PTBP3: variants seen among roughly 807,000 people sequenced by gnomAD.
PTBP3 encodes polypyrimidine tract binding protein 3, also known as polypyrimidine tract-binding protein 3.
A neutral mutation model predicts 58.7 loss-of-function variants in PTBP3; 20 were observed. The observed-to-expected ratio is 0.34, with a 90% CI of 0.24 to 0.50. The LOEUF (loss-of-function observed/expected upper bound fraction) is 0.50. Among genes scored for constraint, PTBP3 ranks in the 20% least tolerant of loss-of-function variants. The probability of loss-of-function intolerance (pLI) is 0.98; values close to 1 mark genes in which losing one functional copy is unlikely to be tolerated. For synonymous variants in PTBP3, 185 were observed against 219.8 expected, an observed-to-expected ratio of 0.84 and a Z score of 1.40; for missense variants, 509 against 637.2, an observed-to-expected ratio of 0.80 and a Z score of 2.17.
At chr9:112,317,055 G>A (rs910764503) in intron 1 of PTBP3, among the ~76,000 whole-genome samples, 2 of 151,784 alleles carry the variant, frequency 1.3e-5, no homozygotes, top group Non-Finnish European at 2.9e-5. Context: ...CAAGGCAGGA[G>A]GATTACTTGA....
chr9:112,253,779 T>A (rs893689621), intron 5 of PTBP3, among the ~76,000 whole-genome samples: 1 of 152,120 alleles, frequency 6.6e-6, no homozygotes, highest in African/African-American at 2.4e-5. Flanking sequence ...CCTGCCACCA[T>A]GTGAAGAAGG....
At position 112,251,117 on chromosome 9, in the gene PTBP3, G is replaced by C; in HGVS notation, c.628-14C>G. ...GCCATCCAGAGCCTAAAGCATGTAA[G>C]AAAGGGACTGGTTTTGGCAAGACAA... is the stretch of plus-strand genomic sequence containing the variant. On this transcript the variant is annotated splice_polypyrimidine_tract_variant and intron_variant, in intron 6 of 13. Coordinates refer to ENST00000374257, the MANE Select transcript of PTBP3 (RefSeq NM_001163788.4). 6.5e-7 allele frequency: 1 copy of C among 1,533,952 alleles called. No individual in the cohort carries two copies. The highest frequency in any genetic ancestry group is 8.8e-7 in the Non-Finnish European group (1 of 1,139,542).
intron 1 of PTBP3, among the ~76,000 whole-genome samples, chr9:112,323,249 T>C (rs1830024062): frequency 6.6e-6 from 1 of 152,060 alleles, no homozygotes; most frequent in Non-Finnish European, 1.5e-5. Context: ...CAAAATCCTA[T>C]CTCAAAAAAC....
At chr9:112,300,950 C>CA (rs1007457781) in intron 1 of PTBP3, among the ~76,000 whole-genome samples, 11 of 149,550 alleles carry the variant, frequency 7.4e-5, no homozygotes, top group South Asian at 2.1e-4. Context: ...AAAATAAAAA[C>CA]AAAAAAAATG....
chr9:112,257,000 AT>A (rs538065037), intron 5 of PTBP3, among the ~76,000 whole-genome samples: 1 of 152,178 alleles, frequency 6.6e-6, no homozygotes. Flanking sequence ...CATTTGGAAA[AT>A]TTTTATACTA....
chr9:112,251,194 G>A, intron 6 of PTBP3, 91 bp from the exon 7 acceptor site: 3 of 1,096,310 alleles, frequency 2.7e-6, no homozygotes, highest in Middle Eastern at 6.2e-4. Context: ...GCAATCAGGT[G>A]TAAGGCAGAA....
upstream of PTBP3, among the ~76,000 whole-genome samples, chr9:112,336,961 A>G (rs1830582098): frequency 6.6e-6 from 1 of 152,260 alleles, no homozygotes. Flanking sequence ...AAAACAGTTT[A>G]CAACAAAAAA....
upstream of PTBP3, among the ~76,000 whole-genome samples, chr9:112,334,781 C>A (rs1031282965): frequency 5.3e-5 from 8 of 152,188 alleles, no homozygotes; most frequent in African/African-American, 1.7e-4. Flanking sequence ...GTGCCGGGCA[C>A]TGCATGAATA....
chr9:112,345,137 C>A, the PTBP3 span, among the ~76,000 whole-genome samples: 1 of 151,714 alleles, frequency 6.6e-6, no homozygotes, highest in Non-Finnish European at 1.5e-5. Context: ...AATACCACTG[C>A]CACAGAGCTA....
chr9:112,338,384 G>T (rs1214035829), upstream of PTBP3, among the ~76,000 whole-genome samples: 1 of 152,186 alleles, frequency 6.6e-6, no homozygotes, highest in Non-Finnish European at 1.5e-5. Context: ...GCTTTTAATA[G>T]TGTAATACAG....
At chr9:112,265,873 C>T (rs1836779317) in intron 4 of PTBP3, among the ~76,000 whole-genome samples, 1 of 152,062 alleles carries the variant, frequency 6.6e-6, no homozygotes, top group South Asian at 2.1e-4. Context: ...GAACCCTTAC[C>T]CTCATTCCTA....
chr9:112,372,992 T>G, the PTBP3 span, among the ~76,000 whole-genome samples: 1 of 151,528 alleles, frequency 6.6e-6, no homozygotes, highest in Non-Finnish European at 1.5e-5. Flanking sequence ...TCTCCCAGGT[T>G]CAAGCAATTC....
intron 2 of PTBP3, among the ~76,000 whole-genome samples, chr9:112,287,632 C>T (rs1442715323): frequency 5.3e-5 from 8 of 152,114 alleles, no homozygotes; most frequent in African/African-American, 1.7e-4. Flanking sequence ...TGAGCCACCA[C>T]GCCCAGCCTT....
At chr9:112,224,327 G>T in intron 12 of PTBP3, 117 bp from the exon 13 acceptor site, 1 of 591,004 alleles carries the variant, frequency 1.7e-6, no homozygotes, top group Non-Finnish European at 2.8e-6. Flanking sequence ...TAAGCCATAT[G>T]ACAAAGACTT....
chr9:112,365,870 G>A, the PTBP3 span, among the ~76,000 whole-genome samples: 2 of 152,200 alleles, frequency 1.3e-5, no homozygotes, highest in African/African-American at 2.4e-5. Context: ...TGGAGCAAAA[G>A]TGACTTGGGT....
the PTBP3 span, among the ~76,000 whole-genome samples, chr9:112,365,160 CTATCTATCTATG>C: frequency 1.1e-4 from 9 of 79,556 alleles, no homozygotes; most frequent in South Asian, 2.7e-3. Context: ...ATATGTCTAT[CTATCTATCTATG>C]TATCTATATA....
At position 112,275,852 on chromosome 9, in the gene PTBP3, T is replaced by C. The variant is rs1445236437; in HGVS notation, c.196A>G (p.Lys66Glu). The change falls in exon 3 of 14, where the codon AAA becomes GAA. Residue 66 changes from lysine to glutamate, a missense_variant. By Grantham distance (56) the Lys-to-Glu change is moderately conservative. Transcript: ENST00000374257. ...CTTTAAATATTACATACCTGGCTTT[T>C]TCCTTTCAACATCAAAAGATTAGTT... ...KVTNLLMLKG[K>E]SQAFLEMASE... The C allele has an allele frequency of 6.2e-7, 1 of 1,611,344 alleles. No homozygotes were observed. The highest frequency in any genetic ancestry group is 1.3e-5 in the African/African-American group (1 of 74,986).
At chr9:112,297,687 C>T (rs1828748600) in intron 2 of PTBP3, 145 bp downstream of exon 2, 1 of 476,872 alleles carries the variant, frequency 2.1e-6, no homozygotes, top group East Asian at 3.4e-5. Context: ...CCTATGTAAA[C>T]AGTATATAGT....
Position 112,223,676 on chromosome 9 carries a change from G to A in PTBP3, c.*175C>T, listed in dbSNP as rs1176341299. On this transcript the variant is annotated 3_prime_UTR_variant, in exon 14 of 14. Coordinates refer to ENST00000374257, the MANE Select transcript of PTBP3 (RefSeq NM_001163788.4). ...AAGGGAAAAGAAACCTTTGACTGGC[G>A]GGGGCAGGGGGAATACAAAAAAAAA... 2.2e-5 allele frequency: 29 copies of A among 1,292,742 alleles called. No homozygotes were observed. The highest frequency in any genetic ancestry group is 4.7e-5 in the South Asian group (2 of 42,998). 80.1% of individuals were successfully genotyped at this position (1,292,742 alleles called of 1,614,324 possible). A position where few individuals can be genotyped will look rare whatever the true frequency, so the allele number is the denominator to read the frequency against.
Sources: gnomAD v4.1 joint callset for allele counts (sites outside exome capture counted in the v4.1 genomes callset) on GRCh38, gnomAD v4.1.1 for gene constraint, MANE v1.5 for transcripts, NCBI Gene and HGNC (gene_info 2026-07-23, HGNC 2026-07-21) for gene names.